The following FAM107B variants were observed in gnomAD, a reference collection of about 807,000 sequenced individuals.
FAM107B encodes the protein protein FAM107B.
FAM107B carries 21 observed loss-of-function variants against 31.5 expected under a neutral mutation model. The observed-to-expected ratio is 0.67, with a 90% CI of 0.47 to 0.96. FAM107B has a LOEUF of 0.96. Ranked by LOEUF, FAM107B falls within the 40% of genes least tolerant of loss-of-function variation. The probability of loss-of-function intolerance (pLI) is 0.00; values close to 1 mark genes in which losing one functional copy is unlikely to be tolerated. For missense variants in FAM107B, 452 were observed against 377.1 expected (o/e 1.20, Z -1.64); for synonymous variants, 157 against 141.5 (o/e 1.11, Z -0.78).
At chr10:14,594,801 A>C (rs1852134039) in intron 2 of FAM107B, among the ~76,000 whole-genome samples, 1 of 152,188 alleles carries the variant, frequency 6.6e-6, no homozygotes, top group Non-Finnish European at 1.5e-5. Flanking sequence ...TAATGGCCAT[A>C]ACTGTGCCTG....
At chr10:14,547,898 T>C (rs1848849182) in intron 2 of FAM107B, among the ~76,000 whole-genome samples, 2 of 152,354 alleles carry the variant, frequency 1.3e-5, no homozygotes, top group Middle Eastern at 3.4e-3. Flanking sequence ...GGGACACATC[T>C]CTGTCTGGGT....
At position 14,586,605 on chromosome 10, in the gene FAM107B, T is replaced by A. The variant is rs577136423; in HGVS notation, c.470-56090A>T. On this transcript the variant is annotated intron_variant, in intron 2 of 4. Transcript: ENST00000181796. ...ACCATGTGGGGATACAGCAAAAAGGTGGCCTTCTACAAAACACGAAGGGAG... is the reference window on the plus strand; with the variant it reads ...ACCATGTGGGGATACAGCAAAAAGGAGGCCTTCTACAAAACACGAAGGGAG... Among the ~76,000 whole-genome samples, 14 of 152,212 alleles carry A rather than the reference T, an allele frequency of 9.2e-5. No homozygotes were observed. In the South Asian group the frequency reaches 2.9e-3, roughly 32 times the overall value.
intron 2 of FAM107B, among the ~76,000 whole-genome samples, chr10:14,643,016 T>C (rs993019220): frequency 2.0e-5 from 3 of 152,170 alleles, no homozygotes; most frequent in Admixed American, 1.3e-4. Flanking sequence ...ATTTCCACAT[T>C]TTTAAGTATT....
At chr10:14,574,692 C>T (rs545467300) in intron 2 of FAM107B, among the ~76,000 whole-genome samples, 66 of 152,270 alleles carry the variant, frequency 4.3e-4, no homozygotes, top group African/African-American at 1.4e-3. Context: ...AAAAGAATTA[C>T]GAAATTATAC....
At chr10:14,696,481 A>G (rs779223852) in intron 1 of FAM107B, among the ~76,000 whole-genome samples, 47 of 152,086 alleles carry the variant, frequency 3.1e-4, no homozygotes, top group Non-Finnish European at 6.3e-4. Context: ...TTAGGTACCA[A>G]GCATCCTGGC....
chr10:14,761,784 G>T, intron 1 of FAM107B, among the ~76,000 whole-genome samples: 1 of 141,070 alleles, frequency 7.1e-6, no homozygotes. Context: ...TTTTAGTAGA[G>T]GGGGGGGTTT....
intron 3 of FAM107B, 151 bp downstream of exon 3, chr10:14,530,181 C>T (rs1846799934): frequency 4.6e-6 from 4 of 870,504 alleles, no homozygotes; most frequent in Non-Finnish European, 6.9e-6. Context: ...GAGGGGTAAC[C>T]CGGTTCTAGG....
At chr10:14,604,264 G>C (rs1274533134) in intron 2 of FAM107B, 1 of 979,656 alleles carries the variant, frequency 1.0e-6, no homozygotes, top group Non-Finnish European at 1.2e-6. Context: ...AAAGGCGCGC[G>C]GCTCCCTCCC....
At chr10:14,671,881 A>AC (rs1339619654) in intron 1 of FAM107B, among the ~76,000 whole-genome samples, 2 of 108,818 alleles carry the variant, frequency 1.8e-5, no homozygotes, top group South Asian at 2.8e-4. Context: ...TTAAAAAAAA[A>AC]AAACAAAAAA....
chr10:14,574,598 C>T (rs1423997882), intron 2 of FAM107B, among the ~76,000 whole-genome samples: 1 of 152,166 alleles, frequency 6.6e-6, no homozygotes, highest in East Asian at 1.9e-4. Flanking sequence ...CAATGGACCA[C>T]AATTGGCCAA....
intron 1 of FAM107B, among the ~76,000 whole-genome samples, chr10:14,708,778 A>G (rs1220823664): frequency 1.3e-5 from 2 of 152,232 alleles, no homozygotes; most frequent in African/African-American, 4.8e-5. Flanking sequence ...AACGTTTCAA[A>G]CTCAACAATA....
At chr10:14,618,303 G>A (rs1246595537) in intron 2 of FAM107B, among the ~76,000 whole-genome samples, 1 of 152,136 alleles carries the variant, frequency 6.6e-6, no homozygotes, top group Non-Finnish European at 1.5e-5. Context: ...TCCATTTACA[G>A]TTGATGAACT....
Position 14,667,631 on chromosome 10 carries a change from T to C in FAM107B, c.469+3A>G. 4 of 1,614,188 alleles carry C rather than the reference T, an allele frequency of 2.5e-6. No homozygotes were observed. Among genetic ancestry groups the C allele is most frequent in the African/African-American group, 2.7e-5 (2 of 75,070 alleles). ...AAAAGGAATCACACAGAATGTACTC[T>C]ACCTGATGTCATTTTCTGCTCCAGC... is the stretch of plus-strand genomic sequence containing the variant. On this transcript the variant is annotated splice_donor_region_variant and intron_variant, in intron 2 of 4. Coordinates refer to ENST00000181796, the MANE Select transcript of FAM107B (RefSeq NM_031453.4).
chr10:14,641,094 G>T lies in FAM107B; in HGVS notation c.469+26540C>A, dbSNP rs1853616262. ...TTACTTTAGCAGCTTTAGCAGAAGG[G>T]GAAAACGTGCTTTCACCAAATGTGT... On this transcript the variant is annotated intron_variant, in intron 2 of 4. Transcript: ENST00000181796. Among the ~76,000 whole-genome samples, 6 of 152,224 alleles carry T rather than the reference G, an allele frequency of 3.9e-5. No individual in the cohort carries two copies. The South Asian group carries it at 1.2e-3, about 32-fold the overall frequency.
chr10:14,564,034 ATTGT>A (rs990662812), intron 2 of FAM107B, among the ~76,000 whole-genome samples: 3 of 152,086 alleles, frequency 2.0e-5, no homozygotes, highest in East Asian at 1.9e-4. Flanking sequence ...CAGGTTTATT[ATTGT>A]TTGTTATTTT....
chr10:14,765,926 T>C (rs998614060), intron 1 of FAM107B, among the ~76,000 whole-genome samples: 4 of 152,194 alleles, frequency 2.6e-5, no homozygotes, highest in African/African-American at 9.7e-5. Flanking sequence ...CCAGTAATGC[T>C]ATTAGATAAG....
chr10:14,709,162 C>T (rs980907275), intron 1 of FAM107B, among the ~76,000 whole-genome samples: 4 of 152,176 alleles, frequency 2.6e-5, no homozygotes, highest in Non-Finnish European at 5.9e-5. Flanking sequence ...TAAACATACT[C>T]TTACCATATG....
At chr10:14,766,698 G>A (rs558871807) in intron 1 of FAM107B, among the ~76,000 whole-genome samples, 13 of 151,718 alleles carry the variant, frequency 8.6e-5, no homozygotes, top group Non-Finnish European at 1.8e-4. Context: ...ACTTATAATG[G>A]CCATAGCTCA....
chr10:14,712,313 C>T (rs1041672389), intron 1 of FAM107B, among the ~76,000 whole-genome samples: 20 of 151,664 alleles, frequency 1.3e-4, no homozygotes, highest in Middle Eastern at 3.2e-3. Flanking sequence ...AAGTTGGGGC[C>T]GGGTGCGTGG....
Sources: allele counts gnomAD v4.1 joint callset (sites outside exome capture counted in the v4.1 genomes callset), GRCh38; gene constraint gnomAD v4.1.1; transcripts MANE v1.5; gene names NCBI Gene and HGNC (gene_info 2026-07-23, HGNC 2026-07-21).